PCDHAC2: variants seen among roughly 807,000 people sequenced by gnomAD.
PCDHAC2 encodes protocadherin alpha-C2.
Under a neutral mutation model 63.3 loss-of-function variants are expected in PCDHAC2, and 24 were observed. That is an observed-to-expected ratio of 0.38 (90% confidence interval 0.27 to 0.53). PCDHAC2 has a LOEUF of 0.53. PCDHAC2 is among the 20% of genes least tolerant of loss of function. PCDHAC2 has a pLI of 0.81. For missense variants in PCDHAC2, 1,181 were observed against 1,275.2 expected (o/e 0.93, Z 1.12); for synonymous variants, 569 against 529.4 (o/e 1.07, Z -1.03).
chr5:141,006,426 G>A (rs2153987618), intron 3 of PCDHAC2, among the ~76,000 whole-genome samples: 1 of 152,170 alleles, frequency 6.6e-6, no homozygotes, highest in Admixed American at 6.5e-5. Context: ...TGTTAGCCAG[G>A]ATGGTCTCAA....
rs1182470326 is a variant in PCDHAC2 at position 140,966,792 on chromosome 5, C to T, written c.26C>T (p.Ala9Val). Residue 9 changes from alanine (A) to valine (V), a missense_variant, in exon 1 of 4, where the codon GCG (alanine) becomes GTG (valine). Coordinates refer to ENST00000289269, the MANE Select transcript of PCDHAC2 (RefSeq NM_018899.6). MEQAGTRP[A>V]ATEHPRLRRP... Reference sequence around the variant, plus strand: ...ATGGAGCAGGCGGGCACCAGACCTGCGGCGACAGAGCATCCACGGCTCCGG... The same window carrying T: ...ATGGAGCAGGCGGGCACCAGACCTGTGGCGACAGAGCATCCACGGCTCCGG... 2.6e-6 allele frequency: 4 copies of T among 1,530,564 alleles called. No homozygotes were observed. The highest frequency in any genetic ancestry group is 2.6e-6 in the Non-Finnish European group (3 of 1,141,632). The allele number at this position is 1,530,564 out of a possible 1,614,324, so 94.8% of individuals were successfully genotyped here. A position where few individuals can be genotyped will look rare whatever the true frequency, so the allele number is the denominator to read the frequency against.
At chr5:140,976,888 A>C (rs1050816491) in intron 1 of PCDHAC2, among the ~76,000 whole-genome samples, 1 of 152,218 alleles carries the variant, frequency 6.6e-6, no homozygotes, top group Non-Finnish European at 1.5e-5. Context: ...ATTAGGATAC[A>C]TGCAACAGTA....
At position 140,967,669 on chromosome 5, in the gene PCDHAC2, G is replaced by C; in HGVS notation, c.903G>C (p.Ser301=). The part of the protein sequence containing the change: ...ELRYSLSSYT[S]DRERQLFSID... ...GGTACTCCTTGAGCAGCTACACGTC[G>C]GACCGGGAGAGGCAGCTCTTCAGCA... The change falls in exon 1 of 4, where the codon TCG becomes TCC. Residue 301 remains serine, a synonymous_variant. Transcript: ENST00000289269. 5.6e-6 allele frequency: 9 copies of C among 1,614,126 alleles called. No homozygotes were observed. The highest frequency in any genetic ancestry group is 7.6e-6 in the Non-Finnish European group (9 of 1,180,018).
chr5:141,001,936 C>A (rs1440677153), intron 3 of PCDHAC2, among the ~76,000 whole-genome samples: 3 of 151,788 alleles, frequency 2.0e-5, no homozygotes, highest in Non-Finnish European at 2.9e-5. Context: ...GGGTGGTGAG[C>A]GGAAATAAGG....
rs1218717024 is a variant in PCDHAC2, at chr5:140,968,594, A to G, written c.1828A>G (p.Met610Val). The change falls in exon 1 of 4, where the codon ATG becomes GTG. Residue 610 changes from methionine (M) to valine (V), a missense_variant. Transcript: ENST00000289269. ...AGYLVTKVIA[M>V]DSDSGQNAWL... ...CTACCTGGTCACCAAAGTCATAGCT[A>G]TGGACTCAGACTCTGGGCAAAATGC... The G allele has an allele frequency of 1.9e-6, 3 of 1,614,176 alleles. No homozygotes were observed. Among genetic ancestry groups the G allele is most frequent in the Non-Finnish European group, 2.5e-6 (3 of 1,180,036 alleles).
At chr5:140,971,695 A>G (rs563817946) in intron 1 of PCDHAC2, among the ~76,000 whole-genome samples, 26 of 152,062 alleles carry the variant, frequency 1.7e-4, no homozygotes, top group Admixed American at 5.2e-4. Flanking sequence ...GTACTCACTA[A>G]CCACCCTGCT....
At chr5:140,994,720 A>C (rs2097647295) in intron 3 of PCDHAC2, among the ~76,000 whole-genome samples, 1 of 152,160 alleles carries the variant, frequency 6.6e-6, no homozygotes. Flanking sequence ...AAAATTTAAA[A>C]TACTGGGTAT....
intron 3 of PCDHAC2, among the ~76,000 whole-genome samples, chr5:141,006,729 T>A (rs1554260883): frequency 2.0e-5 from 3 of 151,948 alleles, no homozygotes; most frequent in Non-Finnish European, 4.4e-5. Flanking sequence ...AAATGACAGG[T>A]CTTGATGATG....
intron 3 of PCDHAC2, among the ~76,000 whole-genome samples, chr5:140,986,226 C>T (rs2097191326): frequency 6.6e-6 from 1 of 152,168 alleles, no homozygotes; most frequent in African/African-American, 2.4e-5. Context: ...TCTCTAGCCT[C>T]CCCTCTGTGT....
chr5:140,987,293 T>C (rs2097246211), intron 3 of PCDHAC2, among the ~76,000 whole-genome samples: 1 of 152,134 alleles, frequency 6.6e-6, no homozygotes, highest in African/African-American at 2.4e-5. Context: ...TAACAAGCCT[T>C]CTATGTGATA....
At chr5:141,006,033 G>A (rs1162099125) in intron 3 of PCDHAC2, among the ~76,000 whole-genome samples, 1 of 151,252 alleles carries the variant, frequency 6.6e-6, no homozygotes, top group Non-Finnish European at 1.5e-5. Context: ...TAGTAAGAGG[G>A]AGATTTGTAG....
chr5:141,004,024 C>T (rs1380291199), intron 3 of PCDHAC2, among the ~76,000 whole-genome samples: 1 of 152,210 alleles, frequency 6.6e-6, no homozygotes, highest in African/African-American at 2.4e-5. Context: ...AAAGAAGAAA[C>T]ATTTCCTTGA....
intron 3 of PCDHAC2, among the ~76,000 whole-genome samples, chr5:140,989,700 C>T (rs1367211310): frequency 6.6e-6 from 1 of 152,178 alleles, no homozygotes; most frequent in East Asian, 1.9e-4. Flanking sequence ...AAAATTTTAT[C>T]TTCAGAGGCA....
At chr5:141,003,680 T>C (rs1167133667) in intron 3 of PCDHAC2, among the ~76,000 whole-genome samples, 1 of 152,198 alleles carries the variant, frequency 6.6e-6, no homozygotes, top group African/African-American at 2.4e-5. Flanking sequence ...GTTGTTCTGA[T>C]TTTAAAATAT....
At chr5:140,994,329 T>A (rs1041024319) in intron 3 of PCDHAC2, among the ~76,000 whole-genome samples, 2 of 152,096 alleles carry the variant, frequency 1.3e-5, no homozygotes, top group Non-Finnish European at 2.9e-5. Context: ...TCAGCAACCA[T>A]GAACAGTGGA....
intron 3 of PCDHAC2, among the ~76,000 whole-genome samples, chr5:140,992,758 G>T (rs1160312796): frequency 6.6e-6 from 1 of 152,182 alleles, no homozygotes; most frequent in Non-Finnish European, 1.5e-5. Flanking sequence ...CTGTGTTGGG[G>T]ATAGGAGGGT....
At chr5:141,009,147 C>A (rs1193433198) in intron 3 of PCDHAC2, among the ~76,000 whole-genome samples, 1 of 152,332 alleles carries the variant, frequency 6.6e-6, no homozygotes, top group Admixed American at 6.5e-5. Flanking sequence ...AACCTGCCCT[C>A]TTGCTTGTCT....
chr5:140,983,118 A>G (rs1251873984), intron 3 of PCDHAC2, among the ~76,000 whole-genome samples: 1 of 152,220 alleles, frequency 6.6e-6, no homozygotes, highest in African/African-American at 2.4e-5. Flanking sequence ...CATCAACAAC[A>G]TTCTGCAGAC....
chr5:140,968,409 C>G lies in PCDHAC2; in HGVS notation c.1643C>G (p.Thr548Ser). ...GAGAAGTTTCGGGAGTTCTTTGTGACTGTGGAGGCTCAGGACAAGGGGAGC... is the reference window on the plus strand; with the variant it reads ...GAGAAGTTTCGGGAGTTCTTTGTGAGTGTGGAGGCTCAGGACAAGGGGAGC... The part of the protein sequence containing the change: ...DYEKFREFFV[T>S]VEAQDKGSPP... The change falls in exon 1 of 4, where the codon ACT (threonine) becomes AGT (serine). Residue 548 changes from threonine (T) to serine (S), a missense_variant. This residue lies in a region of PCDHAC2 where 968 missense variants were observed against 1,073.5 expected (regional missense o/e 0.90). Transcript: ENST00000289269. 6 of 1,614,024 alleles carry G rather than the reference C, an allele frequency of 3.7e-6. No individual in the cohort carries two copies. The highest frequency in any genetic ancestry group is 1.1e-5 in the South Asian group (1 of 91,074).
Sources: gnomAD v4.1 joint callset for allele counts (sites outside exome capture counted in the v4.1 genomes callset) on GRCh38, gnomAD v4.1.1 for gene constraint, gnomAD v4.1.1 regional missense constraint, MANE v1.5 for transcripts, NCBI Gene and HGNC (gene_info 2026-07-23, HGNC 2026-07-21) for gene names.